Variants in CACNA2D3 observed in about 807,000 individuals in gnomAD.
CACNA2D3 encodes calcium voltage-gated channel auxiliary subunit alpha2delta 3.
In CACNA2D3, 60 loss-of-function variants were observed where a neutral mutation model predicts 160.6. That is an observed-to-expected ratio of 0.37 (90% CI 0.30 to 0.46). The LOEUF (loss-of-function observed/expected upper bound fraction) is 0.46, where lower values mean the gene tolerates loss of function less well. Ranked by LOEUF, CACNA2D3 falls within the 20% of genes least tolerant of loss-of-function variation. CACNA2D3 has a pLI of 1.00. For missense variants in CACNA2D3, 1,205 were observed against 1,365.0 expected (o/e 0.88, Z 1.85); for synonymous variants, 558 against 492.9 (o/e 1.13, Z -1.75).
At chr3:54,518,825 AT>A (rs909838620) in intron 5 of CACNA2D3, among the ~76,000 whole-genome samples, 6 of 151,984 alleles carry the variant, frequency 3.9e-5, no homozygotes, top group African/African-American at 1.5e-4. Context: ...TTTGGTGGTT[AT>A]TTTTTTTACT....
At chr3:54,969,674 G>T in intron 28 of CACNA2D3, 126 bp from the exon 29 acceptor site, 1 of 665,760 alleles carries the variant, frequency 1.5e-6, no homozygotes, top group Non-Finnish European at 2.7e-6. Context: ...CAATGAAATT[G>T]GGTATTTGAA....
chr3:54,370,023 T>A (rs908371406), intron 3 of CACNA2D3, among the ~76,000 whole-genome samples: 1 of 152,236 alleles, frequency 6.6e-6, no homozygotes, highest in African/African-American at 2.4e-5. Flanking sequence ...ATGTTCTTAA[T>A]TAAACTTGTA....
At chr3:54,769,986 C>A (rs576935548) in intron 13 of CACNA2D3, among the ~76,000 whole-genome samples, 1 of 152,072 alleles carries the variant, frequency 6.6e-6, no homozygotes. Flanking sequence ...AACCTTTCAC[C>A]CCAACACCCT....
chr3:54,820,216 T>C (rs887683949), intron 14 of CACNA2D3, among the ~76,000 whole-genome samples: 2 of 152,306 alleles, frequency 1.3e-5, no homozygotes, highest in East Asian at 3.9e-4. Context: ...CTGCAACTAT[T>C]TTCTCTATAA....
At chr3:54,595,076 G>GT (rs1356538747) in intron 9 of CACNA2D3, among the ~76,000 whole-genome samples, 7 of 152,178 alleles carry the variant, frequency 4.6e-5, no homozygotes, top group Admixed American at 1.3e-4. Flanking sequence ...TTTTAAAAGA[G>GT]TATCACTGAA....
At chr3:54,780,186 A>G (rs565826608) in intron 13 of CACNA2D3, among the ~76,000 whole-genome samples, 2 of 152,360 alleles carry the variant, frequency 1.3e-5, no homozygotes, top group South Asian at 4.1e-4. Context: ...TGTCTCCAAA[A>G]TGCATGTGTC....
chr3:54,997,223 C>T (rs542782626), intron 31 of CACNA2D3, among the ~76,000 whole-genome samples: 1 of 152,092 alleles, frequency 6.6e-6, no homozygotes, highest in Non-Finnish European at 1.5e-5. Context: ...AAGCTACTTA[C>T]AGTTAAGGTG....
At chr3:55,042,265 G>A (rs1004088371) in intron 35 of CACNA2D3, among the ~76,000 whole-genome samples, 2 of 152,122 alleles carry the variant, frequency 1.3e-5, no homozygotes, top group African/African-American at 4.8e-5. Flanking sequence ...AACTACAATT[G>A]TGGATCTACG....
Position 54,647,013 on chromosome 3 carries a change from G to A in CACNA2D3, c.1167+4772G>A, listed in dbSNP as rs546468800. ...TTGAATGTGAGAGTGGCTTCCAGCT[G>A]ACAGCCAGAAAAAGGCTGGACCCTC... On this transcript the variant is annotated intron_variant, in intron 11 of 37. Coordinates refer to ENST00000474759, the MANE Select transcript of CACNA2D3 (RefSeq NM_018398.3). Among the ~76,000 whole-genome samples the A allele has an allele frequency of 2.0e-5, 3 of 152,312 alleles. No homozygotes were observed. In the East Asian group the frequency reaches 5.8e-4, roughly 29 times the overall value.
chr3:54,190,390 G>T (rs1211313028), intron 2 of CACNA2D3, among the ~76,000 whole-genome samples: 1 of 152,222 alleles, frequency 6.6e-6, no homozygotes, highest in African/African-American at 2.4e-5. Context: ...AGAGAGAATG[G>T]AAGAACACAA....
intron 14 of CACNA2D3, among the ~76,000 whole-genome samples, chr3:54,828,543 A>G (rs535740395): frequency 6.6e-6 from 1 of 152,352 alleles, no homozygotes; most frequent in African/African-American, 2.4e-5. Flanking sequence ...TCACTGGAAC[A>G]AAAGGACAGA....
At chr3:54,871,982 C>A (rs893085883) in intron 18 of CACNA2D3, among the ~76,000 whole-genome samples, 1 of 152,314 alleles carries the variant, frequency 6.6e-6, no homozygotes, top group East Asian at 1.9e-4. Context: ...CTGCCTGGTG[C>A]AAAGTCAGGG....
chr3:54,708,583 C>T (rs1021146089), intron 11 of CACNA2D3, among the ~76,000 whole-genome samples: 1 of 152,182 alleles, frequency 6.6e-6, no homozygotes, highest in Non-Finnish European at 1.5e-5. Flanking sequence ...TGAATACCCC[C>T]AGCCTTGGCC....
chr3:54,597,232 T>C (rs1486643810), intron 9 of CACNA2D3, among the ~76,000 whole-genome samples: 1 of 152,132 alleles, frequency 6.6e-6, no homozygotes, highest in African/African-American at 2.4e-5. Context: ...CAGTCTCTGA[T>C]CTTTTCCCAC....
chr3:55,068,404 TCTTC>T (rs1704718210), intron 35 of CACNA2D3, among the ~76,000 whole-genome samples: 1 of 152,214 alleles, frequency 6.6e-6, no homozygotes, highest in South Asian at 2.1e-4. Flanking sequence ...CTTCATATGT[TCTTC>T]CTTTACTATT....
chr3:54,208,838 A>G (rs12495373), intron 2 of CACNA2D3, among the ~76,000 whole-genome samples: 29,622 of 152,050 alleles, frequency 0.19, 3,366 homozygotes, highest in East Asian at 0.36. Context: ...AAATACATAC[A>G]TGAGACTGGG....
chr3:54,981,701 A>G (rs1365322476), intron 29 of CACNA2D3, among the ~76,000 whole-genome samples: 2 of 152,222 alleles, frequency 1.3e-5, no homozygotes, highest in Non-Finnish European at 2.9e-5. Context: ...CGCAACACAA[A>G]GGAAAATGAT....
chr3:54,562,459 A>G (rs1187378742), intron 5 of CACNA2D3, among the ~76,000 whole-genome samples: 1 of 152,188 alleles, frequency 6.6e-6, no homozygotes, highest in African/African-American at 2.4e-5. Flanking sequence ...GAAAAGCAGG[A>G]AAATAATGCT....
At chr3:54,251,241 C>T (rs1399046675) in intron 2 of CACNA2D3, among the ~76,000 whole-genome samples, 1 of 152,072 alleles carries the variant, frequency 6.6e-6, no homozygotes, top group Non-Finnish European at 1.5e-5. Context: ...AGCAGGAGAG[C>T]AGTGAAGAGT....
Sources: allele counts gnomAD v4.1 joint callset (sites outside exome capture counted in the v4.1 genomes callset), GRCh38; gene constraint gnomAD v4.1.1; transcripts MANE v1.5; gene names NCBI Gene and HGNC (gene_info 2026-07-23, HGNC 2026-07-21).